NDST4: variants seen among roughly 807,000 people sequenced by gnomAD.
NDST4 encodes N-deacetylase and N-sulfotransferase 4, also known as N-heparan sulfate sulfotransferase 4.
In NDST4, 63 loss-of-function variants were observed where a neutral mutation model predicts 100.8. That is an observed-to-expected ratio of 0.62 (90% confidence interval 0.51 to 0.77). The LOEUF (loss-of-function observed/expected upper bound fraction) is 0.77. Ranked by LOEUF, NDST4 falls within the 30% of genes least tolerant of loss-of-function variation. The pLI, the probability that NDST4 is intolerant of heterozygous loss-of-function variation, is 0.00. For missense variants in NDST4, 943 were observed against 1,018.4 expected (o/e 0.93, Z 1.01); for synonymous variants, 377 against 361.8 (o/e 1.04, Z -0.48).
At chr4:114,845,035 A>T (rs1723513506) in intron 10 of NDST4, among the ~76,000 whole-genome samples, 1 of 136,662 alleles carries the variant, frequency 7.3e-6, no homozygotes, top group Admixed American at 6.8e-5. Flanking sequence ...TCAAGATACT[A>T]AAAAAAAGAA....
intron 6 of NDST4, 119 bp downstream of exon 6, chr4:114,935,087 T>A (rs975514900): frequency 5.8e-5 from 45 of 780,516 alleles, no homozygotes; most frequent in Non-Finnish European, 7.1e-5. Flanking sequence ...TTTAAATGCA[T>A]GACCAGTAAG....
chr4:115,019,476 G>A (rs1473134093), intron 2 of NDST4, among the ~76,000 whole-genome samples: 2 of 152,082 alleles, frequency 1.3e-5, no homozygotes, highest in African/African-American at 4.8e-5. Flanking sequence ...CCATAAGGAA[G>A]AGACCTGATC....
chr4:114,868,401 T>C (rs1724078551), intron 7 of NDST4, among the ~76,000 whole-genome samples: 2 of 152,106 alleles, frequency 1.3e-5, no homozygotes, highest in Admixed American at 1.3e-4. Context: ...TAGATATGAA[T>C]ATGAAAAGAA....
chr4:114,934,567 TAAAATAAAAATAAAA>T (rs1262344084), intron 6 of NDST4, among the ~76,000 whole-genome samples: 11 of 142,724 alleles, frequency 7.7e-5, no homozygotes, highest in Admixed American at 6.2e-4. Flanking sequence ...AAAAAAAAAA[TAAAATAAAAATAAAA>T]AAAATAAAAA....
intron 6 of NDST4, among the ~76,000 whole-genome samples, chr4:114,926,031 C>G (rs1177169684): frequency 6.6e-6 from 1 of 152,114 alleles, no homozygotes; most frequent in Non-Finnish European, 1.5e-5. Flanking sequence ...GGTGGACTAC[C>G]TGGTGTAAGC....
intron 2 of NDST4, among the ~76,000 whole-genome samples, chr4:115,037,665 T>C (rs1207859587): frequency 6.6e-6 from 1 of 152,072 alleles, no homozygotes; most frequent in Non-Finnish European, 1.5e-5. Flanking sequence ...TGTTCAGCAA[T>C]TTTTTTAAAT....
In NDST4 at chr4:114,977,283, A is replaced by G; in HGVS notation, c.979-9T>C. The G allele has an allele frequency of 6.4e-7, 1 of 1,566,688 alleles. No individual in the cohort carries two copies. The highest frequency in any genetic ancestry group is 8.7e-7 in the Non-Finnish European group (1 of 1,146,022). ...TGAGTCTCTAGTAATGCCTGAAATA[A>G]ATAAGAAATTAACATGATTTTAGAA... On this transcript the variant is annotated splice_polypyrimidine_tract_variant and intron_variant, in intron 2 of 13. Transcript: ENST00000264363.
intron 7 of NDST4, among the ~76,000 whole-genome samples, chr4:114,867,467 G>A (rs965661222): frequency 6.6e-6 from 1 of 151,860 alleles, no homozygotes; most frequent in African/African-American, 2.4e-5. Context: ...CAGAAAAGCA[G>A]GAATCCACAT....
intron 2 of NDST4, among the ~76,000 whole-genome samples, chr4:115,048,276 T>G (rs1200172823): frequency 6.6e-6 from 1 of 152,144 alleles, no homozygotes; most frequent in Non-Finnish European, 1.5e-5. Context: ...ACTTCTACTC[T>G]GACACATTAG....
In NDST4 at chr4:114,845,815, G is replaced by A. The variant is rs1723535756; in HGVS notation, c.2115+8C>T. 3 of 1,603,474 alleles carry A rather than the reference G, an allele frequency of 1.9e-6. No homozygotes were observed. The East Asian group carries it at 6.7e-5, about 36-fold the overall frequency. On this transcript the variant is annotated splice_region_variant and intron_variant, in intron 10 of 13. Transcript: ENST00000264363. Reference sequence around the variant, plus strand: ...AATGCTTTTAGCCGATTTTTTTACTGACCATACCTGGTACCAAGAGTATGC... The same window carrying A: ...AATGCTTTTAGCCGATTTTTTTACTAACCATACCTGGTACCAAGAGTATGC...
At chr4:114,901,491 C>T (rs57510717) in intron 6 of NDST4, among the ~76,000 whole-genome samples, 7,483 of 151,818 alleles carry the variant, frequency 0.049, 574 homozygotes, top group African/African-American at 0.17. Flanking sequence ...TATCTTTCTC[C>T]GTTTATTTAT....
intron 6 of NDST4, among the ~76,000 whole-genome samples, chr4:114,909,435 T>C (rs960710660): frequency 4.1e-5 from 6 of 145,628 alleles, no homozygotes; most frequent in African/African-American, 1.3e-4. Context: ...CCGAGGCGGG[T>C]GGATCATGAG....
At chr4:114,929,283 T>C (rs1310236904) in intron 6 of NDST4, among the ~76,000 whole-genome samples, 1 of 152,116 alleles carries the variant, frequency 6.6e-6, no homozygotes, top group Non-Finnish European at 1.5e-5. Context: ...AGATGCTACC[T>C]GTAGTCTGTT....
At chr4:114,850,632 A>AAAC (rs1383335958) in intron 8 of NDST4, among the ~76,000 whole-genome samples, 1 of 152,204 alleles carries the variant, frequency 6.6e-6, no homozygotes, top group African/African-American at 2.4e-5. Context: ...ATACTAATAG[A>AAAC]AACTATTCTA....
At chr4:115,032,247 G>T (rs1279693297) in intron 2 of NDST4, among the ~76,000 whole-genome samples, 1 of 151,968 alleles carries the variant, frequency 6.6e-6, no homozygotes, top group African/African-American at 2.4e-5. Flanking sequence ...AAATTAAAAT[G>T]ACCCCAAGAA....
Position 114,829,828 on chromosome 4 carries a change from T to A in NDST4, c.2461A>T (p.Lys821Ter). 1 of 1,612,026 alleles carries A rather than the reference T, an allele frequency of 6.2e-7. No individual in the cohort carries two copies. Among genetic ancestry groups the A allele is most frequent in the Non-Finnish European group, 8.5e-7 (1 of 1,179,468 alleles). The stretch of plus-strand genomic sequence containing the variant: ...GGTGGATATTTTCGGCCTTTGCTTT[T>A]TCCAAGGCATTTTGTCTTTCCTCCT... ...LEGGKTKCLG[K>*]SKGRKYPPMD... The change falls in exon 13 of 14, where the codon AAA (lysine) becomes TAA (stop). Residue 821 changes from lysine to a stop codon, truncating the protein, a stop_gained. Transcript: ENST00000264363. LOFTEE classifies it high-confidence loss of function.
chr4:114,946,361 T>G (rs1007772302), intron 4 of NDST4, among the ~76,000 whole-genome samples: 18 of 152,026 alleles, frequency 1.2e-4, no homozygotes, highest in African/African-American at 4.3e-4. Flanking sequence ...ACAAAAGAAG[T>G]AAGTAAATTG....
chr4:114,928,699 A>T (rs926937957), intron 6 of NDST4, among the ~76,000 whole-genome samples: 3 of 152,176 alleles, frequency 2.0e-5, no homozygotes, highest in South Asian at 4.1e-4. Context: ...GGTAAAGCAG[A>T]TTGCCCTCTG....
At position 114,863,393 on chromosome 4, in the gene NDST4, G is replaced by A. The variant is rs367915152; in HGVS notation, c.1719+7375C>T. Among the ~76,000 whole-genome samples, 4 of 152,240 alleles carry A rather than the reference G, an allele frequency of 2.6e-5. No individual in the cohort carries two copies. In the East Asian group the frequency reaches 5.8e-4, roughly 22 times the overall value. On this transcript the variant is annotated intron_variant, in intron 7 of 13. Coordinates refer to ENST00000264363, the MANE Select transcript of NDST4 (RefSeq NM_022569.3). ...CTCTGCAGTTAAATTATGTGCGTGT[G>A]TGCATGCGCACATGTGCATGTGAAG...
Sources: allele counts gnomAD v4.1 joint callset (sites outside exome capture counted in the v4.1 genomes callset), GRCh38; gene constraint gnomAD v4.1.1; transcripts MANE v1.5; gene names NCBI Gene and HGNC (gene_info 2026-07-23, HGNC 2026-07-21).